BMPR1B: variants seen among roughly 807,000 people sequenced by gnomAD.
BMPR1B encodes bone morphogenetic protein receptor type 1B.
BMPR1B carries 12 observed loss-of-function variants against 59.1 expected under a neutral mutation model. That is an observed-to-expected ratio of 0.20 (90% CI 0.13 to 0.33). The LOEUF (loss-of-function observed/expected upper bound fraction) is 0.33, where lower values mean the gene tolerates loss of function less well. Ranked by LOEUF, BMPR1B falls within the 10% of genes least tolerant of loss-of-function variation. The pLI is 1.00. For synonymous variants in BMPR1B, 237 were observed against 207.3 expected (o/e 1.14, Z -1.23); for missense variants, 550 against 610.9 (o/e 0.90, Z 1.05).
chr4:95,058,511 A>G (rs1451114994), intron 3 of BMPR1B, among the ~76,000 whole-genome samples: 1 of 152,150 alleles, frequency 6.6e-6, no homozygotes, highest in East Asian at 1.9e-4. Flanking sequence ...TGATGTAGAA[A>G]CTGCACTGAT....
chr4:94,874,769 A>G (rs762983022), intron 1 of BMPR1B, among the ~76,000 whole-genome samples: 14 of 152,110 alleles, frequency 9.2e-5, no homozygotes, highest in Non-Finnish European at 2.1e-4. Flanking sequence ...AGGCGGGTAG[A>G]TCACTTGAGG....
chr4:94,823,750 T>G (rs1250005333), intron 1 of BMPR1B, among the ~76,000 whole-genome samples: 1 of 7,752 alleles, frequency 1.3e-4, no homozygotes, highest in African/African-American at 2.8e-4. Context: ...TCCTTTTGGT[T>G]TTTTTTTTTT....
chr4:94,780,682 C>CTTTTTTTT (rs869117575), intron 1 of BMPR1B, among the ~76,000 whole-genome samples: 1 of 82,342 alleles, frequency 1.2e-5, no homozygotes, highest in Non-Finnish European at 2.2e-5. Flanking sequence ...GTATTATTGT[C>CTTTTTTTT]TTTTTTTTTT....
At chr4:94,815,895 G>A (rs1188820246) in intron 1 of BMPR1B, among the ~76,000 whole-genome samples, 1 of 152,084 alleles carries the variant, frequency 6.6e-6, no homozygotes, top group Non-Finnish European at 1.5e-5. Flanking sequence ...CAGTTTTGAT[G>A]CTTGTTTACA....
rs1729607810 is a variant in BMPR1B at position 94,943,803 on chromosome 4, T to C, written c.-112-52237T>C. 2.6e-5 allele frequency among the ~76,000 whole-genome samples: 4 copies of C among 152,330 alleles called. No homozygotes were observed. In the South Asian group the frequency reaches 8.3e-4, roughly 32 times the overall value. ...TAATTGTCCTGAATTCATTCTGTTT[T>C]TATCTCAAGAACATTCCAATAATTT... On this transcript the variant is annotated intron_variant, in intron 2 of 12. Transcript: ENST00000515059.
chr4:94,775,754 A>G (rs1252277256), intron 1 of BMPR1B, among the ~76,000 whole-genome samples: 1 of 152,234 alleles, frequency 6.6e-6, no homozygotes, highest in Non-Finnish European at 1.5e-5. Flanking sequence ...TGGATTTGAA[A>G]GTAGATAGAC....
At chr4:95,106,629 A>G (rs1214665786) in intron 4 of BMPR1B, among the ~76,000 whole-genome samples, 4 of 152,042 alleles carry the variant, frequency 2.6e-5, no homozygotes, top group African/African-American at 7.2e-5. Flanking sequence ...CCAAGTTCCA[A>G]TCTGGACATG....
intron 3 of BMPR1B, among the ~76,000 whole-genome samples, chr4:95,020,249 G>T (rs1723876204): frequency 6.6e-6 from 1 of 152,112 alleles, no homozygotes; most frequent in Admixed American, 6.6e-5. Context: ...CAAGGATGCT[G>T]CTAAACATCT....
At chr4:94,963,983 T>G (rs977267461) in intron 2 of BMPR1B, among the ~76,000 whole-genome samples, 1 of 152,134 alleles carries the variant, frequency 6.6e-6, no homozygotes, top group African/African-American at 2.4e-5. Context: ...ATCTTTCAAT[T>G]TTTTGTATTA....
At chr4:94,825,339 C>T (rs148738569) in intron 1 of BMPR1B, among the ~76,000 whole-genome samples, 3 of 151,736 alleles carry the variant, frequency 2.0e-5, no homozygotes, top group East Asian at 1.9e-4. Context: ...GTCATCTTTA[C>T]GAAAAATTTT....
intron 3 of BMPR1B, among the ~76,000 whole-genome samples, chr4:95,040,408 T>G (rs1725568842): frequency 6.6e-6 from 1 of 152,216 alleles, no homozygotes; most frequent in Admixed American, 6.5e-5. Context: ...TCAAGTTGGA[T>G]TTACATAAAT....
intron 2 of BMPR1B, among the ~76,000 whole-genome samples, chr4:94,893,215 A>G (rs1727465361): frequency 6.6e-6 from 1 of 152,084 alleles, no homozygotes; most frequent in South Asian, 2.1e-4. Context: ...GAGTCATAAC[A>G]TCTGAAATAA....
chr4:95,089,537 G>C (rs1417406797), intron 3 of BMPR1B, among the ~76,000 whole-genome samples: 1 of 152,128 alleles, frequency 6.6e-6, no homozygotes. Flanking sequence ...TATACTGGGT[G>C]TTATACAATT....
chr4:95,015,464 A>G (rs1008552499), intron 3 of BMPR1B, among the ~76,000 whole-genome samples: 107 of 152,196 alleles, frequency 7.0e-4, no homozygotes, highest in African/African-American at 2.0e-3. Context: ...ATAGCTCACT[A>G]TAGCTCCAAC....
rs1249909738 is a variant in BMPR1B, at chr4:94,838,526, G to T, written c.-182-37305G>T. On this transcript the variant is annotated intron_variant, in intron 1 of 12. Transcript: ENST00000515059. ...TTGAGGAATTTATCCATTTCTTCTA[G>T]ATTTTCTAGTTTATTTGCGTAGAGG... Among the ~76,000 whole-genome samples the T allele has an allele frequency of 1.7e-3, 232 of 132,784 alleles. 17 individuals are homozygous for T. The highest frequency in any genetic ancestry group is 3.0e-3 in the Non-Finnish European group (180 of 60,768). The allele number at this position is 132,784 out of a possible 152,430, so 87.1% of individuals were successfully genotyped here.
At chr4:94,785,595 G>C (rs1455554030) in intron 1 of BMPR1B, among the ~76,000 whole-genome samples, 1 of 152,124 alleles carries the variant, frequency 6.6e-6, no homozygotes, top group African/African-American at 2.4e-5. Context: ...AGAAAAAGAT[G>C]GGCCCCAGGT....
intron 2 of BMPR1B, among the ~76,000 whole-genome samples, chr4:94,975,193 G>C (rs2120834): frequency 0.59 from 89,556 of 151,760 alleles, 27,129 homozygotes; most frequent in East Asian, 0.85. Flanking sequence ...TAGATAGGAC[G>C]CAGAATATTG....
At chr4:94,907,835 TC>T (rs1191879772) in intron 2 of BMPR1B, among the ~76,000 whole-genome samples, 2 of 151,360 alleles carry the variant, frequency 1.3e-5, no homozygotes, top group African/African-American at 4.8e-5. Context: ...CCTTTTTCTA[TC>T]TAGTAGTAAA....
chr4:94,844,302 G>A (rs1053561207), intron 1 of BMPR1B, among the ~76,000 whole-genome samples: 11 of 151,388 alleles, frequency 7.3e-5, no homozygotes, highest in African/African-American at 9.7e-5. Context: ...TGCTCTTTCT[G>A]TGCCCAGCTC....
Sources: gnomAD v4.1 joint callset for allele counts (sites outside exome capture counted in the v4.1 genomes callset) on GRCh38, gnomAD v4.1.1 for gene constraint, MANE v1.5 for transcripts, NCBI Gene and HGNC (gene_info 2026-07-23, HGNC 2026-07-21) for gene names.